Variants in WDR24 observed in about 807,000 individuals in gnomAD.
WDR24 encodes the protein GATOR2 complex protein WDR24.
Under a neutral mutation model 66.7 loss-of-function variants are expected in WDR24, and 32 were observed. The ratio of observed to expected loss-of-function variants is 0.48; its 90% CI spans 0.36 to 0.64. The LOEUF (loss-of-function observed/expected upper bound fraction) is 0.64. WDR24 is among the 30% of genes least tolerant of loss of function. The probability of loss-of-function intolerance (pLI) is 0.00; values close to 1 mark genes in which losing one functional copy is unlikely to be tolerated. For synonymous variants in WDR24, 565 were observed against 469.1 expected (o/e 1.20, Z -2.64); for missense variants, 978 against 1,144.1 (o/e 0.85, Z 2.09).
chr16:686,267 A>T, intron 3 of WDR24, 81 bp from the exon 4 acceptor site: 1 of 1,489,126 alleles, frequency 6.7e-7, no homozygotes, highest in African/African-American at 1.4e-5. Flanking sequence ...GGACAGTCAC[A>T]AGCCCTCAGC....
Position 685,962 on chromosome 16 carries a change from A to G in WDR24, c.1480T>C (p.Leu494=). The change falls in exon 5 of 9, where the codon TTG becomes CTG. Residue 494 remains leucine, a synonymous_variant. Coordinates refer to ENST00000293883, the MANE Select transcript of WDR24 (RefSeq NM_032259.4). The part of the protein sequence containing the change: ...SFNLKDMAPG[L]GSETRLDRSK... ...CGGTCCAGCCGCGTCTCACTGCCCA[A>G]CCCTGGGGCCATATCCTTCAGGTTG... The G allele has an allele frequency of 6.2e-7, 1 of 1,612,986 alleles. No individual in the cohort carries two copies. The highest frequency in any genetic ancestry group is 8.5e-7 in the Non-Finnish European group (1 of 1,179,958).
At chr16:685,625 T>C (rs1468655281) in intron 6 of WDR24, 28 bp from the exon 7 acceptor site, 2 of 1,609,420 alleles carry the variant, frequency 1.2e-6, no homozygotes, top group Admixed American at 1.7e-5. Flanking sequence ...GCGGAGGCTC[T>C]GAGTCTGTCC....
Position 687,029 on chromosome 16 carries a change from C to T in WDR24, c.1047G>A (p.Gly349=), listed in dbSNP as rs1467654382. The T allele has an allele frequency of 1.0e-5, 16 of 1,602,636 alleles. No homozygotes were observed. The highest frequency in any genetic ancestry group is 1.4e-5 in the Non-Finnish European group (16 of 1,178,796). The part of the protein sequence containing the change: ...NPEGLCYGLF[G]DLAFAAKESL... ...TCTCCTTGGCGGCGAAGGCCAGGTC[C>T]CCGAAGAGGCCGTAGCAGAGGCCCT... Residue 349 remains glycine, a synonymous_variant, in exon 3 of 9, where the codon GGG becomes GGA. Transcript: ENST00000293883.
chr16:686,041 C>T, intron 4 of WDR24, 27 bp downstream of exon 4: 1 of 1,612,778 alleles, frequency 6.2e-7, no homozygotes, highest in Non-Finnish European at 8.5e-7. Flanking sequence ...GCCCCAGCCC[C>T]TGGGGAGAGC....
rs772566993 is a variant in WDR24 at position 685,684 on chromosome 16, G to C, written c.1673C>G (p.Ala558Gly). 3.7e-6 allele frequency: 6 copies of C among 1,612,980 alleles called. No individual in the cohort carries two copies. Among genetic ancestry groups the C allele is most frequent in the South Asian group, 1.1e-5 (1 of 91,086 alleles). Residue 558 changes from alanine to glycine, a missense_variant, in exon 6 of 9, where the codon GCG becomes GGG. Ala to Gly is a moderately conservative substitution (Grantham distance 60). Coordinates refer to ENST00000293883, the MANE Select transcript of WDR24 (RefSeq NM_032259.4). Reference sequence around the variant, plus strand: ...CTGCCCGGACCCCCACTCACGGTGCGCGTGTTCCGGATCCAGCAGGTACAG... The same window carrying C: ...CTGCCCGGACCCCCACTCACGGTGCCCGTGTTCCGGATCCAGCAGGTACAG... ...DELYLLDPEH[A>G]HPEDPECVLP...
Position 684,780 on chromosome 16 carries a change from C to A in WDR24, c.2327G>T (p.Ser776Ile). Residue 776 changes from serine (S) to isoleucine (I), a missense_variant, in exon 9 of 9, where the codon AGC (serine) becomes ATC (isoleucine). Physicochemically the swap from Ser to Ile is moderately radical, Grantham distance 142 (BLOSUM62 -2). This residue lies in a region of WDR24 where 676 missense variants were observed against 617.5 expected (regional missense o/e 1.09). Coordinates refer to ENST00000293883, the MANE Select transcript of WDR24 (RefSeq NM_032259.4). ...LQHIMKWLEG[S>I]SHCPAGCGHL... ...GCCGCAGCCTGCGGGACAGTGGGAG[C>A]TGCCTTCCAGCCACTTCATGATGTG... The A allele has an allele frequency of 6.3e-7, 1 of 1,597,590 alleles. No homozygotes were observed.
Position 685,091 on chromosome 16 carries a change from C to A in WDR24, c.2105G>T (p.Ser702Ile). Residue 702 changes from serine (S) to isoleucine (I), a missense_variant, in exon 8 of 9, where the codon AGC becomes ATC. Coordinates refer to ENST00000293883, the MANE Select transcript of WDR24 (RefSeq NM_032259.4). ...VSNEVVKLSTSRAVSCLNQAS... is the reference protein window; with the variant it reads ...VSNEVVKLSTIRAVSCLNQAS... ...CTGGTTGAGGCAGCTGACGGCGCGG[C>A]TGGTGCTCAGCTTGACCACCTCGTT... 1.3e-6 allele frequency: 2 copies of A among 1,556,532 alleles called. No homozygotes were observed. Among genetic ancestry groups the A allele is most frequent in the East Asian group, 4.8e-5 (2 of 41,356 alleles).
Position 685,417 on chromosome 16 carries a change from GAGAC to G in WDR24, c.1855_1858del (p.Val619HisfsTer80), listed in dbSNP as rs759994890. On this transcript the variant is annotated frameshift_variant, in exon 7 of 9. Transcript: ENST00000293883. LOFTEE classifies it high-confidence loss of function. ...CAGGCGGCTGTCGTAGAGCGCGTGT[GAGAC>G]AGACAGGAGCGAGAAGGAGGAGTCC... 6 of 1,612,372 alleles carry G rather than the reference GAGAC, an allele frequency of 3.7e-6. No individual in the cohort carries two copies. The highest frequency in any genetic ancestry group is 3.3e-5 in the South Asian group (3 of 91,070).
At chr16:688,834 C>T (rs570897516) in intron 1 of WDR24, among the ~76,000 whole-genome samples, 24 of 152,230 alleles carry the variant, frequency 1.6e-4, no homozygotes, top group Non-Finnish European at 2.8e-4. Flanking sequence ...TCTGTAGCTC[C>T]GACATGAGGG....
chr16:687,696 G>T lies in WDR24; in HGVS notation c.525C>A (p.Asp175Glu). 1 of 1,613,628 alleles carries T rather than the reference G, an allele frequency of 6.2e-7. No individual in the cohort carries two copies. Among genetic ancestry groups the T allele is most frequent in the African/African-American group, 1.3e-5 (1 of 75,064 alleles). Residue 175 changes from aspartate to glutamate, a missense_variant, in exon 2 of 9, where the codon GAC becomes GAA. Coordinates refer to ENST00000293883, the MANE Select transcript of WDR24 (RefSeq NM_032259.4). ...SVRDVQFSIR[D>E]YFTFASTFEN... ...CAAAGGTGGAGGCGAAGGTGAAGTAGTCCCGGATACTGAACTGCACGTCCC... is the reference window on the plus strand; with the variant it reads ...CAAAGGTGGAGGCGAAGGTGAAGTATTCCCGGATACTGAACTGCACGTCCC...
chr16:688,096 G>T, intron 1 of WDR24: 1 of 476,992 alleles, frequency 2.1e-6, no homozygotes, highest in Non-Finnish European at 4.1e-6. Context: ...CCGTGGCCCT[G>T]TGGGAGGCCC....
chr16:687,943 G>A (rs373953202), intron 1 of WDR24: 11 of 717,782 alleles, frequency 1.5e-5, no homozygotes, highest in African/African-American at 7.0e-5. Context: ...AGGACACCAC[G>A]TGATTTGTAA....
intron 5 of WDR24, 26 bp from the exon 6 acceptor site, chr16:685,809 A>AG (rs763799258): frequency 6.2e-7 from 1 of 1,613,022 alleles, no homozygotes; most frequent in Non-Finnish European, 8.5e-7. Context: ...GCGGGCATTC[A>AG]GGGTCGTCTG....
chr16:686,057 C>T lies in WDR24; in HGVS notation c.1451+11G>A. 1.2e-6 allele frequency: 2 copies of T among 1,612,790 alleles called. No homozygotes were observed. Among genetic ancestry groups the T allele is most frequent in the Non-Finnish European group, 1.7e-6 (2 of 1,179,906 alleles). ...CCCCAGCCCCTGGGGAGAGCTGCCC[C>T]CGGCATCTACCTGTTCATGAGCGGG... On this transcript the variant is annotated intron_variant, in intron 4 of 8. Coordinates refer to ENST00000293883, the MANE Select transcript of WDR24 (RefSeq NM_032259.4).
Position 686,758 on chromosome 16 carries a change from G to T in WDR24, c.1318C>A (p.Leu440Ile). 6.3e-7 allele frequency: 1 copy of T among 1,598,836 alleles called. No homozygotes were observed. The change falls in exon 3 of 9, where the codon CTT becomes ATT. Residue 440 changes from leucine to isoleucine, a missense_variant. Coordinates refer to ENST00000293883, the MANE Select transcript of WDR24 (RefSeq NM_032259.4). ...CACCTACCTACCTGGTTGCGGCCAA[G>T]CTCTCGAGCCACCTTTGCGTTGTGG... ...CDHNAKVARELGRNQVAQTWT... is the reference protein window; with the variant it reads ...CDHNAKVAREIGRNQVAQTWT...
In WDR24 at chr16:689,360, G is replaced by A; in HGVS notation, c.281C>T (p.Ala94Val). The stretch of plus-strand genomic sequence containing the variant: ...CCACGTGACCACCACGCCATTGGTG[G>A]CTGCTGTGGCCAGCAGGTTCTCATC... ...QMDENLLATA[A>V]TNGVVVTWNL... Residue 94 changes from alanine (A) to valine (V), a missense_variant, in exon 1 of 9, where the codon GCC becomes GTC. Coordinates refer to ENST00000293883, the MANE Select transcript of WDR24 (RefSeq NM_032259.4). 6.2e-7 allele frequency: 1 copy of A among 1,613,588 alleles called. No homozygotes were observed. Among genetic ancestry groups the A allele is most frequent in the Non-Finnish European group, 8.5e-7 (1 of 1,179,986 alleles).
Position 686,330 on chromosome 16 carries a change from G to A in WDR24, c.1333-144C>T, listed in dbSNP as rs758019821. The A allele has an allele frequency of 3.1e-6, 3 of 957,070 alleles. No individual in the cohort carries two copies. The African/African-American group carries it at 5.0e-5, about 16-fold the overall frequency. 59.3% of individuals were successfully genotyped at this position (957,070 alleles called of 1,614,324 possible). A position where few individuals can be genotyped will look rare whatever the true frequency, so the allele number is the denominator to read the frequency against. On this transcript the variant is annotated intron_variant, in intron 3 of 8. Coordinates refer to ENST00000293883, the MANE Select transcript of WDR24 (RefSeq NM_032259.4). Reference sequence around the variant, plus strand: ...CAGGCCCACCCCAGGTAGGAAAGCTGAGGCTCATGGGAAAGACAAAAACCC... The same window carrying A: ...CAGGCCCACCCCAGGTAGGAAAGCTAAGGCTCATGGGAAAGACAAAAACCC...
Position 687,438 on chromosome 16 carries a change from A to G in WDR24, c.660-22T>C. The G allele has an allele frequency of 1.9e-6, 3 of 1,575,396 alleles. No individual in the cohort carries two copies. In the Admixed American group the frequency reaches 5.2e-5, roughly 27 times the overall value. On this transcript the variant is annotated intron_variant, in intron 2 of 8. Coordinates refer to ENST00000293883, the MANE Select transcript of WDR24 (RefSeq NM_032259.4). ...GCCCCTGTGGGAAGAAGGTCCACCCAAACCCTCAGTGGCCTTTCCTGCAGA... is the reference window on the plus strand; with the variant it reads ...GCCCCTGTGGGAAGAAGGTCCACCCGAACCCTCAGTGGCCTTTCCTGCAGA...
At position 685,646 on chromosome 16, in the gene WDR24, T is replaced by A. The variant is rs752545865; in HGVS notation, c.1678+33A>T. ...GCTCTGAGTCTGTCCTCCATCCGCCTCTGAACCCCACCCTGCCCGGACCCC... is the reference window on the plus strand; with the variant it reads ...GCTCTGAGTCTGTCCTCCATCCGCCACTGAACCCCACCCTGCCCGGACCCC... On this transcript the variant is annotated intron_variant, in intron 6 of 8. Transcript: ENST00000293883. 6.8e-6 allele frequency: 11 copies of A among 1,611,966 alleles called. No individual in the cohort carries two copies. In the Admixed American group the frequency reaches 1.8e-4, roughly 27 times the overall value.
Sources: allele counts gnomAD v4.1 joint callset (sites outside exome capture counted in the v4.1 genomes callset), GRCh38; gene constraint gnomAD v4.1.1; regional missense constraint gnomAD v4.1.1; transcripts MANE v1.5; gene names NCBI Gene and HGNC (gene_info 2026-07-23, HGNC 2026-07-21).